PRPF18: variants seen among roughly 807,000 people sequenced by gnomAD.
PRPF18 encodes pre-mRNA processing factor 18.
A neutral mutation model predicts 46.5 loss-of-function variants in PRPF18; 38 were observed. That is an observed-to-expected ratio of 0.82 (90% CI 0.63 to 1.07). PRPF18 has a LOEUF of 1.07. PRPF18 is among the 50% of genes least tolerant of loss of function. The pLI is 0.00. For synonymous variants in PRPF18, 152 were observed against 146.7 expected (o/e 1.04, Z -0.26); for missense variants, 263 against 410.0 (o/e 0.64, Z 3.10).
At chr10:13,603,648 T>A (rs1029050533) in intron 3 of PRPF18, among the ~76,000 whole-genome samples, 1 of 152,212 alleles carries the variant, frequency 6.6e-6, no homozygotes, top group African/African-American at 2.4e-5. Flanking sequence ...AGTAGTCTCT[T>A]CCTGTTCGAC....
the PRPF18 span, chr10:13,643,673 C>A: frequency 1.3e-5 from 2 of 152,568 alleles, no homozygotes; most frequent in African/African-American, 4.8e-5. Context: ...CGCTGACAGA[C>A]AAAGGAACAA....
intron 9 of PRPF18, among the ~76,000 whole-genome samples, chr10:13,622,920 C>T (rs563890468): frequency 3.3e-5 from 5 of 152,276 alleles, no homozygotes; most frequent in Middle Eastern, 3.4e-3. Context: ...TCCCACAGGC[C>T]GGGCACGGTG....
intron 9 of PRPF18, 60 bp downstream of exon 9, chr10:13,616,613 C>G (rs758536227): frequency 6.3e-7 from 1 of 1,580,630 alleles, no homozygotes; most frequent in Non-Finnish European, 8.7e-7. Flanking sequence ...ATTCCCAAAA[C>G]TCTAAGTCTG....
intron 1 of PRPF18, among the ~76,000 whole-genome samples, chr10:13,593,207 T>C (rs2079989150): frequency 1.3e-5 from 2 of 152,100 alleles, no homozygotes; most frequent in African/African-American, 4.8e-5. Flanking sequence ...TCTAATACAT[T>C]GGAAAATCTA....
At chr10:13,620,007 A>G (rs1404227999) in intron 9 of PRPF18, among the ~76,000 whole-genome samples, 1 of 151,960 alleles carries the variant, frequency 6.6e-6, no homozygotes, top group Non-Finnish European at 1.5e-5. Context: ...AGTTTTGTAA[A>G]ATTCTTGGTT....
At chr10:13,650,365 C>G in the PRPF18 span, among the ~76,000 whole-genome samples, 5 of 152,144 alleles carry the variant, frequency 3.3e-5, no homozygotes, top group Non-Finnish European at 7.3e-5. Flanking sequence ...GGTGCTGTTG[C>G]TCAGTATAAT....
At chr10:13,653,930 G>GCAAACATGTCAAGCTATCAAAGGGAGC in the PRPF18 span, 7 of 190,630 alleles carry the variant, frequency 3.7e-5, no homozygotes, top group African/African-American at 1.4e-4. Flanking sequence ...GATCTCTTTT[G>GCAAACATGTCAAGCTATCAAAGGGAGC]TGTGTTGAGA....
chr10:13,592,551 G>C (rs1216748151), intron 1 of PRPF18, among the ~76,000 whole-genome samples: 2 of 152,176 alleles, frequency 1.3e-5, no homozygotes, highest in Non-Finnish European at 2.9e-5. Flanking sequence ...TAGCTTGTGA[G>C]TGCCTCTTTC....
chr10:13,597,968 G>A (rs768338850), intron 2 of PRPF18, among the ~76,000 whole-genome samples: 4 of 151,984 alleles, frequency 2.6e-5, no homozygotes, highest in Non-Finnish European at 5.9e-5. Context: ...TGCCTTCTCC[G>A]GAATATTTTA....
Position 13,611,789 on chromosome 10 carries a change from C to T in PRPF18, c.579+106C>T, listed in dbSNP as rs1366427832. ...AGGCTGGAACGGGAAAGCCTCAATA[C>T]ACATTTCTCACACATACATGATGTT... On this transcript the variant is annotated intron_variant, in intron 6 of 9. Coordinates refer to ENST00000378572, the MANE Select transcript of PRPF18 (RefSeq NM_003675.4). 1.9e-5 allele frequency: 16 copies of T among 845,344 alleles called. 1 individual carries two copies. The highest frequency in any genetic ancestry group is 1.7e-4 in the South Asian group (11 of 63,222). 52.4% of individuals were successfully genotyped at this position (845,344 alleles called of 1,614,324 possible).
At chr10:13,654,624 C>T in the PRPF18 span, 1 of 681,668 alleles carries the variant, frequency 1.5e-6, no homozygotes, top group South Asian at 1.8e-5. Context: ...TCACCATTTC[C>T]AGGGATGCTG....
At position 13,597,329 on chromosome 10, in the gene PRPF18, A is replaced by C. The variant is rs572554877; in HGVS notation, c.67-129A>C. 1.1e-5 allele frequency: 7 copies of C among 655,284 alleles called. No individual in the cohort carries two copies. The South Asian group carries it at 1.3e-4, about 13-fold the overall frequency. 40.6% of individuals were successfully genotyped at this position (655,284 alleles called of 1,614,324 possible). On this transcript the variant is annotated intron_variant, in intron 1 of 9. Transcript: ENST00000378572. ...ATGTATTCATCTCTGGAACCAAAAA[A>C]TATTTATTTTATCCAATTCTTGAAA...
At chr10:13,626,395 G>T (rs1407865705) in intron 9 of PRPF18, among the ~76,000 whole-genome samples, 1 of 152,126 alleles carries the variant, frequency 6.6e-6, no homozygotes, top group African/African-American at 2.4e-5. Flanking sequence ...AAAACAAAAA[G>T]GGGAAAAAAA....
chr10:13,654,405 G>A, the PRPF18 span: 2 of 1,554,878 alleles, frequency 1.3e-6, no homozygotes, highest in Non-Finnish European at 1.8e-6. Flanking sequence ...GAACATAGAA[G>A]GAGAACTCAC....
chr10:13,638,234 A>C, the PRPF18 span: 1 of 151,474 alleles, frequency 6.6e-6, no homozygotes, highest in Non-Finnish European at 1.5e-5. Context: ...CTTGGTGGCC[A>C]TCCTGCAATC....
chr10:13,596,444 T>C (rs372686392), intron 1 of PRPF18, among the ~76,000 whole-genome samples: 6 of 152,316 alleles, frequency 3.9e-5, no homozygotes, highest in East Asian at 1.9e-4. Flanking sequence ...TTAGCATCCA[T>C]TGATGATCAT....
the PRPF18 span, chr10:13,640,582 T>TCCTA: frequency 7.1e-6 from 1 of 140,142 alleles, no homozygotes; most frequent in Non-Finnish European, 1.6e-5. Context: ...CCTCCTTCAT[T>TCCTA]CCTACCCTGC....
intron 4 of PRPF18, among the ~76,000 whole-genome samples, chr10:13,608,507 T>C (rs1484644539): frequency 2.6e-5 from 4 of 152,262 alleles, no homozygotes; most frequent in Non-Finnish European, 5.9e-5. Flanking sequence ...GTCCTCTGTG[T>C]CTGTAATGAT....
At chr10:13,626,798 G>A (rs949342190) in intron 9 of PRPF18, among the ~76,000 whole-genome samples, 4 of 95,288 alleles carry the variant, frequency 4.2e-5, no homozygotes, top group South Asian at 3.9e-4. Flanking sequence ...TACAAGAATC[G>A]TGTGATTTTT....
Sources: gnomAD v4.1 joint callset for allele counts (sites outside exome capture counted in the v4.1 genomes callset) on GRCh38, gnomAD v4.1.1 for gene constraint, MANE v1.5 for transcripts, NCBI Gene and HGNC (gene_info 2026-07-23, HGNC 2026-07-21) for gene names.